Variants in PRIM2 observed in about 807,000 individuals in gnomAD.
PRIM2 encodes DNA primase subunit 2.
A neutral mutation model predicts 67.3 loss-of-function variants in PRIM2; 39 were observed. That is an observed-to-expected ratio of 0.58 (90% confidence interval 0.45 to 0.76). The LOEUF (loss-of-function observed/expected upper bound fraction) is 0.76. Ranked by LOEUF, PRIM2 falls within the 30% of genes least tolerant of loss-of-function variation. The pLI is 0.00. For missense variants in PRIM2, 398 were observed against 598.7 expected, an observed-to-expected ratio of 0.66 and a Z score of 3.50; for synonymous variants, 143 against 198.7, an observed-to-expected ratio of 0.72 and a Z score of 2.36.
At chr6:57,368,123 C>T (rs200954885) in intron 5 of PRIM2, among the ~76,000 whole-genome samples, 1 of 152,092 alleles carries the variant, frequency 6.6e-6, no homozygotes, top group Non-Finnish European at 1.5e-5. Context: ...TTGCTTTCAG[C>T]ATTTGATCTA....
At chr6:57,532,744 A>T (rs1419360435) in intron 9 of PRIM2, among the ~76,000 whole-genome samples, 2 of 152,164 alleles carry the variant, frequency 1.3e-5, no homozygotes, top group African/African-American at 4.8e-5. Context: ...AGCTAAATGG[A>T]GTTTGTGTTT....
At chr6:57,402,639 TA>T (rs1384403047) in intron 7 of PRIM2, among the ~76,000 whole-genome samples, 1 of 152,184 alleles carries the variant, frequency 6.6e-6, no homozygotes, top group African/African-American at 2.4e-5. Flanking sequence ...GGAATGGTGT[TA>T]GTGGTATGAT....
At chr6:57,392,651 G>A (rs1039711387) in intron 7 of PRIM2, among the ~76,000 whole-genome samples, 8 of 150,468 alleles carry the variant, frequency 5.3e-5, no homozygotes, top group African/African-American at 1.7e-4. Context: ...TTTTTTTTGT[G>A]GATATCCAAA....
chr6:57,577,201 G>A (rs1353764111), intron 10 of PRIM2, among the ~76,000 whole-genome samples: 1 of 152,190 alleles, frequency 6.6e-6, no homozygotes, highest in Non-Finnish European at 1.5e-5. Context: ...GTACAGGCCT[G>A]TGCAGATCCT....
intron 5 of PRIM2, among the ~76,000 whole-genome samples, chr6:57,346,593 C>T (rs2127297803): frequency 6.6e-6 from 1 of 152,318 alleles, no homozygotes; most frequent in African/African-American, 2.4e-5. Context: ...GTTGGGATTA[C>T]AGGCGTGAGT....
At chr6:57,339,708 A>G (rs1768401266) in intron 5 of PRIM2, among the ~76,000 whole-genome samples, 1 of 152,236 alleles carries the variant, frequency 6.6e-6, no homozygotes, top group Non-Finnish European at 1.5e-5. Context: ...AATCAATTCA[A>G]GATAGATTAA....
At chr6:57,645,815 A>G (rs1310056517) in intron 13 of PRIM2, 113 bp from the exon 14 acceptor site, 2 of 636,866 alleles carry the variant, frequency 3.1e-6, no homozygotes, top group Non-Finnish European at 5.5e-6. Flanking sequence ...GCAAACAGCT[A>G]GAATCCATGT....
upstream of PRIM2, among the ~76,000 whole-genome samples, chr6:57,311,705 C>T (rs1312267002): frequency 7.9e-5 from 12 of 151,936 alleles, no homozygotes; most frequent in Admixed American, 7.2e-4. Context: ...TGTAGCGAGC[C>T]GAGATCAAGC....
At chr6:57,433,329 G>C (rs1771894954) in intron 7 of PRIM2, among the ~76,000 whole-genome samples, 1 of 151,908 alleles carries the variant, frequency 6.6e-6, no homozygotes, top group Non-Finnish European at 1.5e-5. Context: ...ATGCTGGTGT[G>C]CTGCACCCAT....
intron 7 of PRIM2, among the ~76,000 whole-genome samples, chr6:57,434,044 C>A (rs954213674): frequency 1.3e-5 from 2 of 151,840 alleles, no homozygotes; most frequent in Non-Finnish European, 2.9e-5. Flanking sequence ...CCTGCCTCAG[C>A]CTCCCTGGCA....
chr6:57,492,039 G>A (rs1773905131), intron 7 of PRIM2, among the ~76,000 whole-genome samples: 1 of 152,148 alleles, frequency 6.6e-6, no homozygotes, highest in Non-Finnish European at 1.5e-5. Context: ...AGCCCCCTGT[G>A]TAAGTTCCCT....
At chr6:57,587,496 C>T (rs1299093954) in intron 10 of PRIM2, among the ~76,000 whole-genome samples, 1 of 151,764 alleles carries the variant, frequency 6.6e-6, no homozygotes, top group Admixed American at 6.6e-5. Context: ...AACCCCATCT[C>T]TACTAAAAAT....
At chr6:57,284,595 A>T in the PRIM2 span, among the ~76,000 whole-genome samples, 1 of 152,134 alleles carries the variant, frequency 6.6e-6, no homozygotes, top group Non-Finnish European at 1.5e-5. Context: ...TCCATATGTA[A>T]ACCAATTTTA....
At chr6:57,307,013 A>T in the PRIM2 span, among the ~76,000 whole-genome samples, 1 of 151,972 alleles carries the variant, frequency 6.6e-6, no homozygotes, top group Non-Finnish European at 1.5e-5. Flanking sequence ...AGCCTAGCCA[A>T]CATGGTGAAA....
chr6:57,595,242 T>C (rs1776345223), intron 10 of PRIM2, among the ~76,000 whole-genome samples: 1 of 152,172 alleles, frequency 6.6e-6, no homozygotes, highest in African/African-American at 2.4e-5. Context: ...AATATATACC[T>C]ACAAAAGTCA....
chr6:57,235,023 G>A, the PRIM2 span, among the ~76,000 whole-genome samples: 13 of 151,750 alleles, frequency 8.6e-5, no homozygotes, highest in Non-Finnish European at 1.6e-4. Flanking sequence ...AAATAACCGA[G>A]TGTGATGACA....
At chr6:57,611,049 T>C (rs1344647358) in intron 12 of PRIM2, among the ~76,000 whole-genome samples, 2,216 of 152,292 alleles carry the variant, frequency 0.015, 30 homozygotes, top group African/African-American at 0.029. Context: ...GAAAACCTTT[T>C]TCTATTCTCA....
the PRIM2 span, among the ~76,000 whole-genome samples, chr6:57,303,058 T>C: frequency 3.9e-5 from 6 of 152,236 alleles, no homozygotes; most frequent in African/African-American, 7.2e-5. Context: ...TATGTCATTG[T>C]TATTGCTATG....
chr6:57,446,955 G>A (rs1190796384), intron 7 of PRIM2, among the ~76,000 whole-genome samples: 1 of 152,192 alleles, frequency 6.6e-6, no homozygotes, highest in East Asian at 1.9e-4. Flanking sequence ...TTGGGAGCAA[G>A]AAAGTCCAGG....
Sources: gnomAD v4.1 joint callset for allele counts (sites outside exome capture counted in the v4.1 genomes callset) on GRCh38, gnomAD v4.1.1 for gene constraint, MANE v1.5 for transcripts, NCBI Gene and HGNC (gene_info 2026-07-23, HGNC 2026-07-21) for gene names.